ZNF778: variants seen among roughly 807,000 people sequenced by gnomAD.
ZNF778 encodes the protein zinc finger protein 778.
ZNF778 carries 37 observed loss-of-function variants against 23.9 expected under a neutral mutation model. That is an observed-to-expected ratio of 1.54 (90% confidence interval 1.19 to 2.03). ZNF778 has a LOEUF of 2.03. Among genes scored for constraint, ZNF778 ranks in the 30% most tolerant of loss-of-function variants. The probability of loss-of-function intolerance (pLI) is 0.00; values close to 1 mark genes in which losing one functional copy is unlikely to be tolerated. For missense variants in ZNF778, 1,297 were observed against 934.4 expected (o/e 1.39, Z -5.06); for synonymous variants, 483 against 343.9 (o/e 1.40, Z -4.48).
chr16:89,224,889 T>C (rs1052513101), intron 5 of ZNF778, 87 bp downstream of exon 5: 1 of 988,904 alleles, frequency 1.0e-6, no homozygotes, highest in Admixed American at 2.0e-5. Flanking sequence ...TATGGAAGGA[T>C]TGTGTCAAGT....
chr16:89,219,294 C>T (rs1022604953), intron 1 of ZNF778, among the ~76,000 whole-genome samples: 9 of 152,200 alleles, frequency 5.9e-5, no homozygotes, highest in Non-Finnish European at 1.3e-4. Context: ...GTTTCTCTAT[C>T]ATATTGACTT....
rs1456068764 is a variant in ZNF778, at chr16:89,232,623, G to A, written c.*4061G>A. Reference sequence around the variant, plus strand: ...CTCAGAGTAAGATAAAATATTAAAGGACCAATTGTATTAATTATGTTTTTT... The same window carrying A: ...CTCAGAGTAAGATAAAATATTAAAGAACCAATTGTATTAATTATGTTTTTT... On this transcript the variant is annotated 3_prime_UTR_variant, in exon 7 of 7. Transcript: ENST00000433976. 2 of 1,190,610 alleles carry A rather than the reference G, an allele frequency of 1.7e-6. No homozygotes were observed. The highest frequency in any genetic ancestry group is 2.1e-6 in the Non-Finnish European group (2 of 945,196). 73.8% of individuals were successfully genotyped at this position (1,190,610 alleles called of 1,614,324 possible).
At position 89,225,884 on chromosome 16, in the gene ZNF778, CTT is replaced by C. The variant is rs374466335; in HGVS notation, c.405+256_405+257del. On this transcript the variant is annotated intron_variant, in intron 6 of 6. Coordinates refer to ENST00000433976, the MANE Select transcript of ZNF778 (RefSeq NM_001201407.2). Reference sequence around the variant, plus strand: ...CGCAGAGCTGTTTTGTGCGCACAGACTTTTCGAAGTTAGAGCAGATGGTGCAG... The same window carrying C: ...CGCAGAGCTGTTTTGTGCGCACAGACTTCGAAGTTAGAGCAGATGGTGCAG... Among the ~76,000 whole-genome samples the C allele has an allele frequency of 2.8e-3, 416 of 150,660 alleles. 1 individual carries two copies. Among genetic ancestry groups the C allele is most frequent in the African/African-American group, 9.5e-3 (391 of 41,042 alleles).
At position 89,221,122 on chromosome 16, in the gene ZNF778, C is replaced by T. The variant is rs1251447266; in HGVS notation, c.-6C>T. 7 of 1,567,640 alleles carry T rather than the reference C, an allele frequency of 4.5e-6. No homozygotes were observed. Among genetic ancestry groups the T allele is most frequent in the Non-Finnish European group, 6.1e-6 (7 of 1,155,856 alleles). On this transcript the variant is annotated 5_prime_UTR_variant, in exon 2 of 7. Coordinates refer to ENST00000433976, the MANE Select transcript of ZNF778 (RefSeq NM_001201407.2). The stretch of plus-strand genomic sequence containing the variant: ...AGCATTCAGACGCTTCCGTCAGCCT[C>T]CCAGGATGGCAGCCCCTGACCTGGC...
At chr16:89,224,045 C>T (rs374512831) in intron 4 of ZNF778, among the ~76,000 whole-genome samples, 233 of 151,612 alleles carry the variant, frequency 1.5e-3, no homozygotes, top group African/African-American at 4.9e-3. Context: ...GGCGCAGTGG[C>T]TTAGGGCTGT....
In ZNF778 at chr16:89,236,198, A is replaced by G. The variant is rs1008964542; in HGVS notation, c.*7636A>G. On this transcript the variant is annotated 3_prime_UTR_variant, in exon 7 of 7. Coordinates refer to ENST00000433976, the MANE Select transcript of ZNF778 (RefSeq NM_001201407.2). ...TCTCAAAAAAGAAGAAAGAAAAGAA[A>G]ACCAAGCCCCTGCCACCACGAAGCT... 1 of 152,078 alleles carries G rather than the reference A, an allele frequency of 6.6e-6. No homozygotes were observed. The highest frequency in any genetic ancestry group is 2.4e-5 in the African/African-American group (1 of 41,364). 9.4% of individuals were successfully genotyped at this position (152,078 alleles called of 1,614,324 possible).
At chr16:89,223,406 C>A in intron 4 of ZNF778, 123 bp downstream of exon 4, 2 of 1,367,424 alleles carry the variant, frequency 1.5e-6, no homozygotes, top group South Asian at 1.3e-5. Flanking sequence ...AACAACTGTG[C>A]TAGTAGGCTT....
Position 89,228,971 on chromosome 16 carries a change from A to G in ZNF778, c.*409A>G, listed in dbSNP as rs926964645. On this transcript the variant is annotated 3_prime_UTR_variant, in exon 7 of 7. Transcript: ENST00000433976. ...GGTGATTGACACTTGAAGTGTTGTG[A>G]ATGTATGGAAGATAGCAGTCGCTTC... The G allele has an allele frequency of 2.8e-5, 28 of 999,788 alleles. No individual in the cohort carries two copies. Among genetic ancestry groups the G allele is most frequent in the Middle Eastern group, 1.0e-3 (2 of 1,976 alleles). 61.9% of individuals were successfully genotyped at this position (999,788 alleles called of 1,614,324 possible).
At position 89,227,316 on chromosome 16, in the gene ZNF778, GA is replaced by G; in HGVS notation, c.1032del (p.Ala345ProfsTer36). On this transcript the variant is annotated frameshift_variant, in exon 7 of 7. Transcript: ENST00000433976. LOFTEE classifies it low-confidence loss of function (END_TRUNC). ...AEKPCECKEC[G>X]KAFTGLSGLS... ...AAACCCTGTGAATGTAAAGAATGCGGAAAAGCCTTCACTGGACTCTCAGGTC... is the reference window on the plus strand; with the variant it reads ...AAACCCTGTGAATGTAAAGAATGCGGAAAGCCTTCACTGGACTCTCAGGTC... 2 of 1,614,024 alleles carry G rather than the reference GA, an allele frequency of 1.2e-6. No homozygotes were observed. The highest frequency in any genetic ancestry group is 1.7e-6 in the Non-Finnish European group (2 of 1,179,904).
rs1277337079 is a variant in ZNF778, at chr16:89,227,687, C to T, written c.1399C>T (p.His467Tyr). 6.2e-7 allele frequency: 1 copy of T among 1,614,160 alleles called. No homozygotes were observed. The highest frequency in any genetic ancestry group is 8.5e-7 in the Non-Finnish European group (1 of 1,180,024). The change falls in exon 7 of 7, where the codon CAT becomes TAT. Residue 467 changes from histidine to tyrosine, a missense_variant. Coordinates refer to ENST00000433976, the MANE Select transcript of ZNF778 (RefSeq NM_001201407.2). ...AFCTSSGLTE[H>Y]VRTHTGEKPY... is the part of the protein sequence containing the mutation. Reference sequence around the variant, plus strand: ...CTGTACATCCTCGGGCCTTACTGAGCATGTAAGGACTCACACTGGAGAGAA... The same window carrying T: ...CTGTACATCCTCGGGCCTTACTGAGTATGTAAGGACTCACACTGGAGAGAA...
In ZNF778 at chr16:89,233,921, G is replaced by A. The variant is rs1452768754; in HGVS notation, c.*5359G>A. The A allele has an allele frequency of 7.8e-7, 1 of 1,288,974 alleles. No individual in the cohort carries two copies. 79.8% of individuals were successfully genotyped at this position (1,288,974 alleles called of 1,614,324 possible). A position where few individuals can be genotyped will look rare whatever the true frequency, so the allele number is the denominator to read the frequency against. ...TCAGCCCAGGATGAGGCACTAGACA[G>A]CAGGACATGCTGTATGCCCTTGGGC... On this transcript the variant is annotated 3_prime_UTR_variant, in exon 7 of 7. Transcript: ENST00000433976.
chr16:89,226,945 C>G lies in ZNF778; in HGVS notation c.657C>G (p.Cys219Trp), dbSNP rs777837349. 3.2e-5 allele frequency: 51 copies of G among 1,613,888 alleles called. No individual in the cohort carries two copies. The highest frequency in any genetic ancestry group is 4.3e-5 in the Non-Finnish European group (51 of 1,179,898). Residue 219 changes from cysteine to tryptophan, a missense_variant, in exon 7 of 7, where the codon TGC (cysteine) becomes TGG (tryptophan). Physicochemically the swap from Cys to Trp is radical, Grantham distance 215. Coordinates refer to ENST00000433976, the MANE Select transcript of ZNF778 (RefSeq NM_001201407.2). ...CAAATGTTGTTTCCCAGCAAGCATG[C>G]ACTCGGGACAGATCTCTTGACTACA... ...STPNVVSQQACTRDRSLDYSS... is the reference protein window; with the variant it reads ...STPNVVSQQAWTRDRSLDYSS...
Position 89,228,281 on chromosome 16 carries a change from A to T in ZNF778, c.1993A>T (p.Arg665Trp), listed in dbSNP as rs199637039. Residue 665 changes from arginine to tryptophan, a missense_variant, in exon 7 of 7, where the codon AGG becomes TGG. By Grantham distance (101) the Arg-to-Trp change is moderately radical. Transcript: ENST00000433976. ...CTCCTCACACCTTATCGAACACAGA[A>T]GGACTCACACAGGAGAGAAACCTTA... ...ASSSHLIEHR[R>W]THTGEKPYIC... The T allele has an allele frequency of 1.7e-4, 269 of 1,605,574 alleles. 2 individuals are homozygous for T. The highest frequency in any genetic ancestry group is 2.1e-4 in the Non-Finnish European group (248 of 1,173,270).
rs754966547 is a variant in ZNF778 at position 89,233,441 on chromosome 16, G to T, written c.*4879G>T. 7.9e-7 allele frequency: 1 copy of T among 1,265,404 alleles called. No homozygotes were observed. The highest frequency in any genetic ancestry group is 1.6e-5 in the African/African-American group (1 of 63,034). The allele number at this position is 1,265,404 out of a possible 1,614,324, so 78.4% of individuals were successfully genotyped here. ...CTGCGTATGCAACTCAACTCGCACT[G>T]CGTGTGCAACTCAACTCGCACTGCG... On this transcript the variant is annotated 3_prime_UTR_variant, in exon 7 of 7. Transcript: ENST00000433976.
rs187144409 is a variant in ZNF778, at chr16:89,229,618, T to G, written c.*1056T>G. 2.1e-4 allele frequency: 205 copies of G among 979,286 alleles called. 3 individuals carry two copies. In the African/African-American group the frequency reaches 3.4e-3, roughly 16 times the overall value. 60.7% of individuals were successfully genotyped at this position (979,286 alleles called of 1,614,324 possible). A position where few individuals can be genotyped will look rare whatever the true frequency, so the allele number is the denominator to read the frequency against. ...TTAGTCTTGAGGATCCAGATGTGAT[T>G]CTGTGAGCAGCGTAGGCTCTGCTTG... On this transcript the variant is annotated 3_prime_UTR_variant, in exon 7 of 7. Coordinates refer to ENST00000433976, the MANE Select transcript of ZNF778 (RefSeq NM_001201407.2).
At position 89,230,286 on chromosome 16, in the gene ZNF778, A is replaced by T; in HGVS notation, c.*1724A>T. 6.2e-6 allele frequency: 1 copy of T among 160,756 alleles called. No homozygotes were observed. 10.0% of individuals were successfully genotyped at this position (160,756 alleles called of 1,614,324 possible). On this transcript the variant is annotated 3_prime_UTR_variant, in exon 7 of 7. Coordinates refer to ENST00000433976, the MANE Select transcript of ZNF778 (RefSeq NM_001201407.2). ...GTTTCATGGCCGTGGAGGGAGAACC[A>T]CCACCCCCCACGTGGGGAGGAGGGA...
intron 2 of ZNF778, 116 bp downstream of exon 2, chr16:89,221,268 T>G (rs1445298983): frequency 8.1e-7 from 1 of 1,229,688 alleles, no homozygotes; most frequent in African/African-American, 1.5e-5. Flanking sequence ...CTATTGCAGC[T>G]GCTGGAGTGA....
intron 1 of ZNF778, among the ~76,000 whole-genome samples, chr16:89,218,540 C>A (rs2030583732): frequency 6.6e-6 from 1 of 152,186 alleles, no homozygotes; most frequent in African/African-American, 2.4e-5. Context: ...GCCTGTAATC[C>A]CAGCACTTTG....
In ZNF778 at chr16:89,229,585, CTGGT is replaced by C. The variant is rs2031797562; in HGVS notation, c.*1029_*1032del. On this transcript the variant is annotated 3_prime_UTR_variant, in exon 7 of 7. Transcript: ENST00000433976. ...TGTGATTCTGTGAGCAGCGTAGGCT[CTGGT>C]TGGTTAGTCTTGAGGATCCAGATGT... The C allele has an allele frequency of 1.9e-5, 19 of 983,980 alleles. No homozygotes were observed. Among genetic ancestry groups the C allele is most frequent in the Middle Eastern group, 5.2e-4 (1 of 1,918 alleles). 61.0% of individuals were successfully genotyped at this position (983,980 alleles called of 1,614,324 possible). A position where few individuals can be genotyped will look rare whatever the true frequency, so the allele number is the denominator to read the frequency against.
Sources: gnomAD v4.1 joint callset for allele counts (sites outside exome capture counted in the v4.1 genomes callset) on GRCh38, gnomAD v4.1.1 for gene constraint, MANE v1.5 for transcripts, NCBI Gene and HGNC (gene_info 2026-07-23, HGNC 2026-07-21) for gene names.